NCKIPSD: variants seen among roughly 807,000 people sequenced by gnomAD.
The protein encoded by NCKIPSD is NCK interacting protein with SH3 domain.
NCKIPSD carries 48 observed loss-of-function variants against 73.4 expected under a neutral mutation model. The ratio of observed to expected loss-of-function variants is 0.65; its 90% CI spans 0.52 to 0.83. The LOEUF is 0.83. Ranked by LOEUF, NCKIPSD falls within the 40% of genes least tolerant of loss-of-function variation. The pLI, the probability that NCKIPSD is intolerant of heterozygous loss-of-function variation, is 0.00. For missense variants in NCKIPSD, 884 were observed against 970.2 expected (o/e 0.91, Z 1.18); for synonymous variants, 422 against 403.6 (o/e 1.05, Z -0.54).
At chr3:48,677,901 G>A (rs2077279373) in intron 12 of NCKIPSD, among the ~76,000 whole-genome samples, 2 of 152,144 alleles carry the variant, frequency 1.3e-5, no homozygotes, top group Non-Finnish European at 2.9e-5. Flanking sequence ...TGTCTCTCTA[G>A]TCTCAACTCA....
Position 48,682,541 on chromosome 3 carries a change from T to G in NCKIPSD, c.293A>C (p.His98Pro). ...EQRGVLQKLI[H>P]HRKETLSRRG... ...GCGTGACAGGGTCTCTTTCCGGTGG[T>G]GGATCAGCTTCCTGATGGAAGGACA... Residue 98 changes from histidine (H) to proline (P), a missense_variant, in exon 3 of 13, where the codon CAC becomes CCC. His to Pro is a moderately conservative substitution (Grantham distance 77). Transcript: ENST00000294129. 1 of 1,613,890 alleles carries G rather than the reference T, an allele frequency of 6.2e-7. No homozygotes were observed. The highest frequency in any genetic ancestry group is 8.5e-7 in the Non-Finnish European group (1 of 1,179,906).
At position 48,674,532 on chromosome 3, in the gene NCKIPSD, G is replaced by A; in HGVS notation, c.*12C>T. On this transcript the variant is annotated 3_prime_UTR_variant, in exon 13 of 13. Transcript: ENST00000294129. ...CTGACTGGAGCTGCAGGGAAGGGAGGACAGCAAGGTGCTAGCTGGGAGCCT... is the reference window on the plus strand; with the variant it reads ...CTGACTGGAGCTGCAGGGAAGGGAGAACAGCAAGGTGCTAGCTGGGAGCCT... 6.3e-7 allele frequency: 1 copy of A among 1,575,068 alleles called. No homozygotes were observed. Among genetic ancestry groups the A allele is most frequent in the Non-Finnish European group, 8.6e-7 (1 of 1,159,208 alleles).
rs777370472 is a variant in NCKIPSD at position 48,681,725 on chromosome 3, G to A, written c.654C>T (p.Val218=). 1.1e-5 allele frequency: 17 copies of A among 1,544,522 alleles called. No individual in the cohort carries two copies. The highest frequency in any genetic ancestry group is 1.5e-5 in the Non-Finnish European group (17 of 1,146,470). ...GGNSVSSGSS[V]SSTSLDTLYT... ...AGAGCGTGTCCAGGGAGGTGCTGCT[G>A]ACTGAGGAGCCGCTGGACACAGAGT... Residue 218 remains valine (V), a synonymous_variant, in exon 5 of 13, where the codon GTC becomes GTT. Transcript: ENST00000294129.
intron 2 of NCKIPSD, 151 bp from the exon 3 acceptor site, chr3:48,682,703 T>C (rs186493175): frequency 6.1e-6 from 7 of 1,141,732 alleles, no homozygotes; most frequent in East Asian, 5.0e-5. Flanking sequence ...TACCCCATAC[T>C]ATCCTCAGTC....
rs142134638 is a variant in NCKIPSD at position 48,674,714 on chromosome 3, T to C, written c.1999A>G (p.Ile667Val). ...TGCAGGTAGGGTGTGGTGCGGACTATAGCATGCATCAGGGAGAGGTACTCC... is the reference window on the plus strand; with the variant it reads ...TGCAGGTAGGGTGTGGTGCGGACTACAGCATGCATCAGGGAGAGGTACTCC... Reference protein sequence around the residue: ...RMEYLSLMHAIVRTTPYLQHR... With the variant: ...RMEYLSLMHAVVRTTPYLQHR... The change falls in exon 13 of 13, where the codon ATA (isoleucine) becomes GTA (valine). Residue 667 changes from isoleucine (I) to valine (V), a missense_variant. By Grantham distance (29) the Ile-to-Val change is conservative. Transcript: ENST00000294129. 1.4e-4 allele frequency: 220 copies of C among 1,613,850 alleles called. No individual in the cohort carries two copies. Among genetic ancestry groups the C allele is most frequent in the Non-Finnish European group, 1.7e-4 (200 of 1,179,964 alleles).
In NCKIPSD at chr3:48,673,873, G is replaced by C. The variant is rs534094658; in HGVS notation, c.*671C>G. 63 of 1,047,762 alleles carry C rather than the reference G, an allele frequency of 6.0e-5. No homozygotes were observed. The South Asian group carries it at 2.4e-3, about 40-fold the overall frequency. The allele number at this position is 1,047,762 out of a possible 1,614,324, so 64.9% of individuals were successfully genotyped here. On this transcript the variant is annotated 3_prime_UTR_variant, in exon 13 of 13. Coordinates refer to ENST00000294129, the MANE Select transcript of NCKIPSD (RefSeq NM_016453.4). ...CAGATGCCTGTGATTTATTTCCAAA[G>C]GAGAGCTACAGCACATAGGAAAATA...
At position 48,685,863 on chromosome 3, in the gene NCKIPSD, C is replaced by G; in HGVS notation, c.-56G>C. Reference sequence around the variant, plus strand: ...GGCAAGGGCTGCGGCGCCACAACGCCAGGCCGGGAGCGCCGAGCCGCGCCG... The same window carrying G: ...GGCAAGGGCTGCGGCGCCACAACGCGAGGCCGGGAGCGCCGAGCCGCGCCG... On this transcript the variant is annotated 5_prime_UTR_variant, in exon 1 of 13. Coordinates refer to ENST00000294129, the MANE Select transcript of NCKIPSD (RefSeq NM_016453.4). The G allele has an allele frequency of 1.5e-6, 2 of 1,346,966 alleles. No individual in the cohort carries two copies. The highest frequency in any genetic ancestry group is 1.9e-6 in the Non-Finnish European group (2 of 1,052,808). The allele number at this position is 1,346,966 out of a possible 1,614,324, so 83.4% of individuals were successfully genotyped here.
chr3:48,681,480 T>C lies in NCKIPSD; in HGVS notation c.899A>G (p.Glu300Gly). The C allele has an allele frequency of 1.2e-6, 2 of 1,614,132 alleles. No homozygotes were observed. Among genetic ancestry groups the C allele is most frequent in the South Asian group, 1.1e-5 (1 of 91,088 alleles). The change falls in exon 5 of 13, where the codon GAG becomes GGG. Residue 300 changes from glutamate to glycine, a missense_variant. Coordinates refer to ENST00000294129, the MANE Select transcript of NCKIPSD (RefSeq NM_016453.4). ...CACAGCCGCCTCAGCTGCTGCCTTC[T>C]CCTCTGTGGTCCCCAGGCTCAGTGT... Reference protein sequence around the residue: ...LGTLSLGTTEEKAAAEAAVPR... With the variant: ...LGTLSLGTTEGKAAAEAAVPR...
chr3:48,682,946 G>A lies in NCKIPSD; in HGVS notation c.238C>T (p.Arg80Trp), dbSNP rs199690056. Residue 80 changes from arginine to tryptophan, a missense_variant, in exon 2 of 13, where the codon CGG (arginine) becomes TGG (tryptophan). Arg to Trp is a moderately radical substitution (Grantham distance 101). Transcript: ENST00000294129. ...AIEAVHNTAMRDGGKYSLEQR... is the reference protein window; with the variant it reads ...AIEAVHNTAMWDGGKYSLEQR... ...TCCAGGCTGTACTTGCCACCATCCC[G>A]CATGGCTGTGTTGTGTACAGCCTCG... The A allele has an allele frequency of 1.1e-4, 176 of 1,553,102 alleles. 1 individual carries two copies. In the East Asian group the frequency reaches 4.1e-3, roughly 36 times the overall value.
chr3:48,676,721 G>A (rs1237224875), intron 12 of NCKIPSD, among the ~76,000 whole-genome samples: 1 of 151,724 alleles, frequency 6.6e-6, no homozygotes, highest in African/African-American at 2.4e-5. Flanking sequence ...TTGAACTCAT[G>A]GACTCAAGTG....
At chr3:48,682,584 T>C (rs532709967) in intron 2 of NCKIPSD, 32 bp from the exon 3 acceptor site, 7 of 1,608,282 alleles carry the variant, frequency 4.4e-6, no homozygotes, top group Admixed American at 1.7e-5. Context: ...TATTGGGGGG[T>C]TGCATCTCAC....
Position 48,682,159 on chromosome 3 carries a change from G to A in NCKIPSD, c.487-3C>T, listed in dbSNP as rs2077365355. On this transcript the variant is annotated splice_polypyrimidine_tract_variant and splice_region_variant and intron_variant, in intron 3 of 12. Transcript: ENST00000294129. The stretch of plus-strand genomic sequence containing the variant: ...ATCTGGGAAGATGGAAGTGGGATCT[G>A]GAAGATGGAAGTAGGATCTTGGAGG... 1.9e-6 allele frequency: 3 copies of A among 1,595,254 alleles called. No individual in the cohort carries two copies. The highest frequency in any genetic ancestry group is 2.5e-6 in the Non-Finnish European group (3 of 1,177,238).
At chr3:48,684,019 C>CACACAGAG (rs563262573) in intron 1 of NCKIPSD, among the ~76,000 whole-genome samples, 38 of 141,248 alleles carry the variant, frequency 2.7e-4, no homozygotes, top group African/African-American at 9.5e-4. Flanking sequence ...CACACACACA[C>CACACAGAG]AGAGAGAGAG....
chr3:48,682,641 C>T (rs897437780), intron 2 of NCKIPSD, 89 bp from the exon 3 acceptor site: 3 of 1,442,724 alleles, frequency 2.1e-6, no homozygotes, highest in African/African-American at 1.4e-5. Context: ...GACCCCATAG[C>T]CCAGGCCCCT....
Position 48,678,735 on chromosome 3 carries a change from A to G in NCKIPSD, c.1794T>C (p.Asp598=), listed in dbSNP as rs985112168. The change falls in exon 12 of 13, where the codon GAT becomes GAC. Residue 598 remains aspartate, a splice_region_variant and synonymous_variant. Transcript: ENST00000294129. The part of the protein sequence containing the change: ...EKLLLLLNRG[D]DPVRIFKHEP... ...CATGTTTGAAGATGCGCACAGGGTC[A>G]TCTAGGAGGCAGGGGTCATAGCGGT... is the stretch of plus-strand genomic sequence containing the variant. The G allele has an allele frequency of 1.2e-6, 2 of 1,613,126 alleles. No homozygotes were observed. Among genetic ancestry groups the G allele is most frequent in the Admixed American group, 3.3e-5 (2 of 59,940 alleles).
chr3:48,680,318 G>A, intron 5 of NCKIPSD, 89 bp from the exon 6 acceptor site: 2 of 1,397,382 alleles, frequency 1.4e-6, no homozygotes, highest in Non-Finnish European at 9.5e-7. Context: ...TCCATCTGTG[G>A]ACTTTTACTC....
At position 48,682,885 on chromosome 3, in the gene NCKIPSD, A is replaced by G; in HGVS notation, c.281+18T>C. On this transcript the variant is annotated intron_variant, in intron 2 of 12. Transcript: ENST00000294129. The stretch of plus-strand genomic sequence containing the variant: ...CATGCTCACCGGGAGGTCCCACTTC[A>G]CTCCCCTCAACACTCACTGGAGGAC... The G allele has an allele frequency of 6.5e-7, 1 of 1,536,700 alleles. No homozygotes were observed. The highest frequency in any genetic ancestry group is 8.8e-7 in the Non-Finnish European group (1 of 1,136,782).
intron 12 of NCKIPSD, 29 bp downstream of exon 12, chr3:48,678,535 C>T: frequency 6.3e-7 from 1 of 1,589,272 alleles, no homozygotes; most frequent in South Asian, 1.1e-5. Flanking sequence ...CACACAGTGA[C>T]CCCCGCTGCT....
chr3:48,678,511 TTTG>T, intron 12 of NCKIPSD, 50 bp downstream of exon 12: 1 of 1,527,350 alleles, frequency 6.5e-7, no homozygotes, highest in Non-Finnish European at 8.8e-7. Flanking sequence ...CCCCCACCAT[TTTG>T]TTTCAGTTTC....
Sources: allele counts gnomAD v4.1 joint callset (sites outside exome capture counted in the v4.1 genomes callset), GRCh38; gene constraint gnomAD v4.1.1; transcripts MANE v1.5; gene names NCBI Gene and HGNC (gene_info 2026-07-23, HGNC 2026-07-21).